Variants in DTNB observed in about 807,000 individuals in gnomAD.
The protein encoded by DTNB is dystrobrevin beta.
Under a neutral mutation model 90.7 loss-of-function variants are expected in DTNB, and 63 were observed. The ratio of observed to expected loss-of-function variants is 0.69; its 90% CI spans 0.57 to 0.86. DTNB has a LOEUF of 0.86. Among genes scored for constraint, DTNB ranks in the 40% least tolerant of loss-of-function variants. The pLI is 0.00. For missense variants in DTNB, 744 were observed against 807.1 expected, an observed-to-expected ratio of 0.92 and a Z score of 0.95; for synonymous variants, 277 against 286.7, an observed-to-expected ratio of 0.97 and a Z score of 0.34.
chr2:25,462,297 G>A (rs1000354021), intron 10 of DTNB, among the ~76,000 whole-genome samples: 1 of 152,106 alleles, frequency 6.6e-6, no homozygotes, highest in African/African-American at 2.4e-5. Context: ...GCAAGGGGAC[G>A]GGACTGAAAT....
intron 12 of DTNB, 44 bp from the exon 13 acceptor site, chr2:25,434,039 A>C: frequency 6.5e-7 from 1 of 1,542,754 alleles, no homozygotes; most frequent in Non-Finnish European, 8.9e-7. Context: ...TTTCTGATCC[A>C]AATATACCCA....
At chr2:25,542,905 T>G (rs1309281787) in intron 8 of DTNB, among the ~76,000 whole-genome samples, 1 of 152,194 alleles carries the variant, frequency 6.6e-6, no homozygotes, top group African/African-American at 2.4e-5. Flanking sequence ...TGGTCAATTT[T>G]TGTGTATTTG....
intron 9 of DTNB, among the ~76,000 whole-genome samples, chr2:25,488,998 T>C (rs560255292): frequency 6.9e-4 from 105 of 152,300 alleles, no homozygotes; most frequent in African/African-American, 2.5e-3. Context: ...TAGGAGAGGT[T>C]TGGGGACCTA....
chr2:25,547,911 T>C (rs1558981866), intron 8 of DTNB, among the ~76,000 whole-genome samples: 1 of 152,178 alleles, frequency 6.6e-6, no homozygotes, highest in Admixed American at 6.5e-5. Flanking sequence ...TCTTAGAAAA[T>C]TGTATATTGC....
intron 9 of DTNB, among the ~76,000 whole-genome samples, chr2:25,529,206 T>C (rs1188581638): frequency 6.6e-6 from 1 of 152,212 alleles, no homozygotes; most frequent in Non-Finnish European, 1.5e-5. Context: ...AGCCTGTGCG[T>C]ATTTGGAAAC....
chr2:25,519,077 C>T (rs564592461), intron 9 of DTNB, among the ~76,000 whole-genome samples: 8 of 152,126 alleles, frequency 5.3e-5, no homozygotes, highest in Non-Finnish European at 7.4e-5. Flanking sequence ...AAAATCATTA[C>T]AGCAGGCCAG....
At chr2:25,423,771 T>C (rs1234404612) in intron 15 of DTNB, among the ~76,000 whole-genome samples, 1 of 152,038 alleles carries the variant, frequency 6.6e-6, no homozygotes, top group Non-Finnish European at 1.5e-5. Context: ...GCGATTCTCC[T>C]GTCTCAGCCT....
intron 6 of DTNB, among the ~76,000 whole-genome samples, chr2:25,585,447 C>T (rs994238338): frequency 6.6e-6 from 1 of 152,120 alleles, no homozygotes; most frequent in Non-Finnish European, 1.5e-5. Flanking sequence ...TTGTTTGTTG[C>T]TCTTTGTTAT....
chr2:25,400,962 T>G (rs777320517), intron 16 of DTNB, among the ~76,000 whole-genome samples: 46 of 152,196 alleles, frequency 3.0e-4, no homozygotes, highest in Non-Finnish European at 6.3e-4. Flanking sequence ...CCGAGAAAGC[T>G]CTGCATCATG....
At chr2:25,421,580 A>G (rs2049718160) in intron 15 of DTNB, among the ~76,000 whole-genome samples, 1 of 152,262 alleles carries the variant, frequency 6.6e-6, no homozygotes, top group South Asian at 2.1e-4. Flanking sequence ...TTAAACAATT[A>G]TAAAATGTGT....
In DTNB at chr2:25,628,376, C is replaced by T. The variant is rs145905417; in HGVS notation, c.157G>A (p.Val53Ile). 5.0e-6 allele frequency: 8 copies of T among 1,612,574 alleles called. No homozygotes were observed. Among genetic ancestry groups the T allele is most frequent in the South Asian group, 4.4e-5 (4 of 90,668 alleles). ...GCTTCAATCATGTTCCAGATATCAA[C>T]AAGATGAACTAAAAGACAAAGAAAA... ...FVQKRCNLHL[V>I]DIWNMIEAFR... is the part of the protein sequence containing the mutation. The change falls in exon 4 of 21, where the codon GTT becomes ATT. Residue 53 changes from valine to isoleucine, a missense_variant. Physicochemically the swap from Val to Ile is conservative, Grantham distance 29 (BLOSUM62 3). Coordinates refer to ENST00000406818, the MANE Select transcript of DTNB (RefSeq NM_021907.5).
chr2:25,605,543 C>T (rs955061201), intron 5 of DTNB, among the ~76,000 whole-genome samples: 6 of 152,178 alleles, frequency 3.9e-5, no homozygotes, highest in Admixed American at 3.3e-4. Flanking sequence ...CAACAATTTA[C>T]ATTTGACAAA....
chr2:25,543,518 G>A (rs955063265), intron 8 of DTNB, among the ~76,000 whole-genome samples: 1 of 152,024 alleles, frequency 6.6e-6, no homozygotes, highest in Admixed American at 6.6e-5. Context: ...TGGCCAGGCT[G>A]GTCAGGAACT....
At chr2:25,395,465 C>T (rs894666122) in intron 16 of DTNB, among the ~76,000 whole-genome samples, 3 of 150,614 alleles carry the variant, frequency 2.0e-5, no homozygotes, top group Non-Finnish European at 3.0e-5. Flanking sequence ...TTTGTAAATA[C>T]ATAAATACAC....
rs575242257 is a variant in DTNB, at chr2:25,508,537, G to GTTTT, written c.1001+22932_1001+22935dup. 2.5e-4 allele frequency among the ~76,000 whole-genome samples: 32 copies of GTTTT among 127,622 alleles called. 2 individuals carry two copies. The highest frequency in any genetic ancestry group is 6.1e-4 in the African/African-American group (20 of 32,588). The allele number at this position is 127,622 out of a possible 152,430, so 83.7% of individuals were successfully genotyped here. ...TTTTTGAGATGGAGTTTCGCTCTTTGTTTTTTATTTTTTTGAGATGGAGTT... is the reference window on the plus strand; with the variant it reads ...TTTTTGAGATGGAGTTTCGCTCTTTGTTTTTTTTTTATTTTTTTGAGATGGAGTT... On this transcript the variant is annotated intron_variant, in intron 9 of 20. Transcript: ENST00000406818.
Position 25,563,965 on chromosome 2 carries a change from G to A in DTNB, c.876+12873C>T, listed in dbSNP as rs61560660. On this transcript the variant is annotated intron_variant, in intron 8 of 20. Coordinates refer to ENST00000406818, the MANE Select transcript of DTNB (RefSeq NM_021907.5). ...CAGGCTGGAGTGCAGTGGTGCGTGCGATCTCAGCTTACTGCAAGCTCCGCC... is the reference window on the plus strand; with the variant it reads ...CAGGCTGGAGTGCAGTGGTGCGTGCAATCTCAGCTTACTGCAAGCTCCGCC... Among the ~76,000 whole-genome samples, 496 of 152,050 alleles carry A rather than the reference G, an allele frequency of 3.3e-3. 2 individuals carry two copies. The highest frequency in any genetic ancestry group is 0.011 in the African/African-American group (458 of 41,470).
At chr2:25,522,400 C>T (rs2076310158) in intron 9 of DTNB, among the ~76,000 whole-genome samples, 1 of 152,080 alleles carries the variant, frequency 6.6e-6, no homozygotes, top group East Asian at 1.9e-4. Flanking sequence ...GGGGAGGAGT[C>T]AGATGCCTGT....
At chr2:25,576,262 G>GTCTTACTCAGTC (rs764138539) in intron 8 of DTNB, among the ~76,000 whole-genome samples, 1 of 115,194 alleles carries the variant, frequency 8.7e-6, no homozygotes, top group Non-Finnish European at 1.7e-5. Flanking sequence ...GTCTTACTCT[G>GTCTTACTCAGTC]TTGCCCAGGC....
At chr2:25,467,308 T>C (rs967419739) in intron 10 of DTNB, among the ~76,000 whole-genome samples, 13 of 149,694 alleles carry the variant, frequency 8.7e-5, no homozygotes, top group African/African-American at 3.2e-4. Flanking sequence ...TCTTTTTTTT[T>C]TTTTTTTTGA....
Sources: gnomAD v4.1 joint callset for allele counts (sites outside exome capture counted in the v4.1 genomes callset) on GRCh38, gnomAD v4.1.1 for gene constraint, MANE v1.5 for transcripts, NCBI Gene and HGNC (gene_info 2026-07-23, HGNC 2026-07-21) for gene names.